The following MB variants were observed in gnomAD, a reference collection of about 807,000 sequenced individuals.
MB encodes the protein nitrite reductase MB.
Under a neutral mutation model 14.5 loss-of-function variants are expected in MB, and 10 were observed. The ratio of observed to expected loss-of-function variants is 0.69; its 90% CI spans 0.43 to 1.17. The LOEUF is 1.17. Among genes scored for constraint, MB ranks in the 50% most tolerant of loss-of-function variants. MB has a pLI of 0.00. For missense variants in MB, 169 were observed against 192.7 expected (o/e 0.88, Z 0.73); for synonymous variants, 89 against 78.6 (o/e 1.13, Z -0.70).
At chr22:35,613,685 AG>A (rs35141221) in intron 1 of MB, among the ~76,000 whole-genome samples, 102,087 of 151,758 alleles carry the variant, frequency 0.67, 35,953 homozygotes, top group East Asian at 0.93. Flanking sequence ...TTTGTAGAGA[AG>A]GGGGGTCTCA....
In MB at chr22:35,616,477, T is replaced by C. The variant is rs17722766; in HGVS notation, c.95+686A>G. ...TCTATCTTCTGTTCTCTAATTGCAA[T>C]GCTTTGAAAGGTCCCTAGCCTGGGC... On this transcript the variant is annotated intron_variant, in intron 1 of 2. Coordinates refer to ENST00000397326, the MANE Select transcript of MB (RefSeq NM_005368.3). Among the ~76,000 whole-genome samples the C allele has an allele frequency of 9.1e-3, 1,382 of 152,318 alleles. 59 individuals are homozygous for C. In the South Asian group the frequency reaches 0.15, roughly 17 times the overall value.
rs138184513 is a variant in MB at position 35,608,289 on chromosome 22, G to A, written c.319-846C>T. Among the ~76,000 whole-genome samples, 52 of 152,304 alleles carry A rather than the reference G, an allele frequency of 3.4e-4. No homozygotes were observed. The highest frequency in any genetic ancestry group is 1.2e-3 in the East Asian group (6 of 5,182). On this transcript the variant is annotated intron_variant, in intron 2 of 2. Transcript: ENST00000397326. This position sits in a 1 kb window ranked among gnomAD's most constrained non-coding sequence, Gnocchi z 4.3. ...CCTGGCTGGTGCACCAAGGAGTGTCGTTTTACAGAGGAGAAAATCAAGTGG... is the reference window on the plus strand; with the variant it reads ...CCTGGCTGGTGCACCAAGGAGTGTCATTTTACAGAGGAGAAAATCAAGTGG...
At chr22:35,613,883 C>CT (rs1249369129) in intron 1 of MB, among the ~76,000 whole-genome samples, 2 of 152,240 alleles carry the variant, frequency 1.3e-5, no homozygotes, top group African/African-American at 4.8e-5. Context: ...TGCCTGCCTC[C>CT]TGTGGGCCCA....
At chr22:35,622,473 C>G (rs1321748083) in intron 1 of MB, 3 of 152,604 alleles carry the variant, frequency 2.0e-5, no homozygotes, top group Non-Finnish European at 4.4e-5. Flanking sequence ...ATCCATCATA[C>G]TGACCACAGC....
chr22:35,613,117 T>C (rs1353789837), intron 1 of MB, among the ~76,000 whole-genome samples: 1 of 152,238 alleles, frequency 6.6e-6, no homozygotes, highest in Non-Finnish European at 1.5e-5. Context: ...ACTATTATTA[T>C]CTGGCGACAA....
chr22:35,607,416 G>A lies in MB; in HGVS notation c.346C>T (p.Leu116=). 1 of 1,614,040 alleles carries A rather than the reference G, an allele frequency of 6.2e-7. No homozygotes were observed. The highest frequency in any genetic ancestry group is 1.1e-5 in the South Asian group (1 of 91,078). Residue 116 remains leucine, a synonymous_variant, in exon 3 of 3, where the codon CTG becomes TTG. Transcript: ENST00000397326. The stretch of plus-strand genomic sequence containing the variant: ...AAGTCCCCGGGATGCTTGCTCTGCA[G>A]AACCTGGATGATGCATTCCGAGATG... ...EFISECIIQV[L]QSKHPGDFGA...
At chr22:35,621,746 G>T (rs1156501697), upstream of MB, among the ~76,000 whole-genome samples, 2 of 152,326 alleles carry the variant, frequency 1.3e-5, no homozygotes. Context: ...GCCCAGCTGA[G>T]TCTGCCTCAC....
Position 35,611,841 on chromosome 22 carries a change from G to A in MB, c.96-735C>T, listed in dbSNP as rs572462372. Among the ~76,000 whole-genome samples the A allele has an allele frequency of 6.6e-5, 10 of 150,730 alleles. 1 individual carries two copies. The highest frequency in any genetic ancestry group is 2.0e-4 in the African/African-American group (8 of 40,826). On this transcript the variant is annotated intron_variant, in intron 1 of 2. Coordinates refer to ENST00000397326, the MANE Select transcript of MB (RefSeq NM_005368.3). ...CTGCCCACCTCCAACTTTAGACCTT[G>A]GTCCTTCCTGCCCACCTCCAGCTTT...
chr22:35,613,847 G>A (rs368192407), intron 1 of MB, among the ~76,000 whole-genome samples: 9 of 152,218 alleles, frequency 5.9e-5, no homozygotes, highest in South Asian at 2.1e-4. Flanking sequence ...TTGTCTCCCC[G>A]CAAGATCATT....
chr22:35,620,085 C>A (rs547636481), upstream of MB, among the ~76,000 whole-genome samples: 31 of 152,332 alleles, frequency 2.0e-4, no homozygotes, highest in Admixed American at 1.0e-3. Context: ...CCTGTAATCC[C>A]AGCAATTTGG....
upstream of MB, among the ~76,000 whole-genome samples, chr22:35,617,811 A>G (rs1292833957): frequency 1.3e-5 from 2 of 152,204 alleles, no homozygotes; most frequent in African/African-American, 4.8e-5. Context: ...AGTGACAGAA[A>G]GGAACCGGAT....
At chr22:35,617,126 T>C in intron 1 of MB, 37 bp downstream of exon 1, 1 of 1,508,836 alleles carries the variant, frequency 6.6e-7, no homozygotes, top group Non-Finnish European at 9.2e-7. Context: ...GATCTTAGGG[T>C]GTGGGTGGCA....
Position 35,607,040 on chromosome 22 carries a change from C to A in MB, c.*257G>T. On this transcript the variant is annotated 3_prime_UTR_variant, in exon 3 of 3. Coordinates refer to ENST00000397326, the MANE Select transcript of MB (RefSeq NM_005368.3). ...GATTTAGAAGAAAGGACAATTAATT[C>A]AGATCCAAACCATGCAGAACACAGT... 2.6e-6 allele frequency: 1 copy of A among 384,186 alleles called. No homozygotes were observed. Among genetic ancestry groups the A allele is most frequent in the East Asian group, 3.9e-5 (1 of 25,974 alleles). The allele number at this position is 384,186 out of a possible 1,614,324, so 23.8% of individuals were successfully genotyped here.
intron 2 of MB, among the ~76,000 whole-genome samples, chr22:35,609,992 T>C (rs973946272): frequency 7.9e-5 from 12 of 152,196 alleles, no homozygotes; most frequent in Non-Finnish European, 1.8e-4. Context: ...ATTTTGGCCA[T>C]GAGGCAACTT....
upstream of MB, chr22:35,617,662 G>A (rs975191987): frequency 2.2e-5 from 4 of 185,742 alleles, no homozygotes; most frequent in Non-Finnish European, 3.3e-5. Context: ...CGCTCCCTGC[G>A]GTCAGCCCTC....
At chr22:35,612,521 T>A (rs1275745189) in intron 1 of MB, among the ~76,000 whole-genome samples, 1 of 152,186 alleles carries the variant, frequency 6.6e-6, no homozygotes, top group Non-Finnish European at 1.5e-5. Context: ...CTCAGAATTC[T>A]CCATGTTAGG....
At chr22:35,617,108 A>T in intron 1 of MB, 55 bp downstream of exon 1, 1 of 1,414,840 alleles carries the variant, frequency 7.1e-7, no homozygotes. Flanking sequence ...TTGCAGCTGA[A>T]CACCCTTGAT....
chr22:35,609,703 C>G (rs1922443429), intron 2 of MB, among the ~76,000 whole-genome samples: 1 of 152,154 alleles, frequency 6.6e-6, no homozygotes, highest in South Asian at 2.1e-4. Context: ...GAGAAGGGTA[C>G]TTGCCTGGGG....
chr22:35,608,612 T>G lies in MB; in HGVS notation c.319-1169A>C, dbSNP rs1240790472. Among the ~76,000 whole-genome samples the G allele has an allele frequency of 1.3e-5, 2 of 152,178 alleles. No homozygotes were observed. Among genetic ancestry groups the G allele is most frequent in the East Asian group, 3.9e-4 (2 of 5,192 alleles). ...GTGGATGCTTGACTTCACCTTCCAT[T>G]TCATGAATGCCACAAAACAAAGTGG... On this transcript the variant is annotated intron_variant, in intron 2 of 2. Transcript: ENST00000397326. The surrounding 1 kb of genome is among the most constrained non-coding windows in gnomAD (Gnocchi z 4.3).
Sources: gnomAD v4.1 joint callset for allele counts (sites outside exome capture counted in the v4.1 genomes callset) on GRCh38, gnomAD v4.1.1 for gene constraint, Gnocchi (gnomAD v3.1) non-coding constraint, MANE v1.5 for transcripts, NCBI Gene and HGNC (gene_info 2026-07-23, HGNC 2026-07-21) for gene names.